The following CRYBA1 variants were observed in gnomAD, a reference collection of about 807,000 sequenced individuals.
The protein encoded by CRYBA1 is beta-crystallin A3.
CRYBA1 carries 25 observed loss-of-function variants against 36.2 expected under a neutral mutation model. That is an observed-to-expected ratio of 0.69 (90% CI 0.50 to 0.97). CRYBA1 has a LOEUF of 0.97. CRYBA1 is among the 50% of genes least tolerant of loss of function. The pLI, the probability that CRYBA1 is intolerant of heterozygous loss-of-function variation, is 0.00. For missense variants in CRYBA1, 224 were observed against 276.3 expected (o/e 0.81, Z 1.34); for synonymous variants, 111 against 90.0 (o/e 1.23, Z -1.32).
At chr17:29,252,550 T>C (rs529587275) in intron 4 of CRYBA1, among the ~76,000 whole-genome samples, 46 of 152,202 alleles carry the variant, frequency 3.0e-4, no homozygotes, top group Non-Finnish European at 5.9e-4. Flanking sequence ...GTAACATTTT[T>C]ACTGCAGAAA....
At chr17:29,252,327 TA>T in intron 4 of CRYBA1, 122 bp downstream of exon 4, 2 of 1,366,716 alleles carry the variant, frequency 1.5e-6, no homozygotes, top group Non-Finnish European at 1.0e-6. Context: ...AAGACAAAAG[TA>T]AAAAAAGAGA....
chr17:29,253,661 A>G lies in CRYBA1; in HGVS notation c.379A>G (p.Thr127Ala). Residue 127 changes from threonine to alanine, a missense_variant, in exon 5 of 6, where the codon ACC (threonine) becomes GCC (alanine). Thr to Ala is a moderately conservative substitution (Grantham distance 58, BLOSUM62 0). Transcript: ENST00000225387. The stretch of plus-strand genomic sequence containing the variant: ...ACAGAATCATAAGGAGTCTAAGATG[A>G]CCATCTTTGAGAAGGAAAACTTTAT... ...CSANHKESKMTIFEKENFIGR... is the reference protein window; with the variant it reads ...CSANHKESKMAIFEKENFIGR... 6.2e-7 allele frequency: 1 copy of G among 1,613,246 alleles called. No homozygotes were observed. The highest frequency in any genetic ancestry group is 8.5e-7 in the Non-Finnish European group (1 of 1,179,174).
intron 1 of CRYBA1, 138 bp from the exon 2 acceptor site, chr17:29,249,004 C>T (rs545522643): frequency 2.8e-5 from 20 of 709,264 alleles, no homozygotes; most frequent in Non-Finnish European, 3.7e-5. Flanking sequence ...CCCCGAGGCA[C>T]AGCTAGTGAG....
intron 2 of CRYBA1, 147 bp from the exon 3 acceptor site, chr17:29,250,035 C>T (rs1312734763): frequency 4.1e-6 from 3 of 737,730 alleles, no homozygotes; most frequent in Non-Finnish European, 7.5e-6. Context: ...CCTTCCTGCC[C>T]TGTCTACACT....
chr17:29,252,411 T>C (rs956214981), intron 4 of CRYBA1, among the ~76,000 whole-genome samples: 1 of 152,198 alleles, frequency 6.6e-6, no homozygotes, highest in Non-Finnish European at 1.5e-5. Context: ...AAGCTAAAAC[T>C]AAGGGTCTTA....
chr17:29,253,419 A>C (rs182879737), intron 4 of CRYBA1, among the ~76,000 whole-genome samples: 8 of 152,228 alleles, frequency 5.3e-5, no homozygotes, highest in African/African-American at 1.9e-4. Flanking sequence ...CATTGTTCCA[A>C]AATAGTATAT....
At chr17:29,253,058 T>C (rs1402456483) in intron 4 of CRYBA1, among the ~76,000 whole-genome samples, 1 of 152,226 alleles carries the variant, frequency 6.6e-6, no homozygotes, top group East Asian at 1.9e-4. Flanking sequence ...TTGAAAAATA[T>C]ATAGATCCAT....
At chr17:29,253,512 T>C in intron 4 of CRYBA1, 128 bp from the exon 5 acceptor site, 2 of 715,602 alleles carry the variant, frequency 2.8e-6, no homozygotes, top group Non-Finnish European at 4.5e-6. Context: ...ACAAATCTGT[T>C]GCCTTAATCT....
Position 29,254,218 on chromosome 17 carries a change from T to C in CRYBA1, c.517T>C (p.Tyr173His). Residue 173 changes from tyrosine (Y) to histidine (H), a missense_variant, in exon 6 of 6, where the codon TAT becomes CAT. Transcript: ENST00000225387. Reference sequence around the variant, plus strand: ...ATTTCCTAGCTGGGTTTGCTACCAATATCCTGGATATCGTGGGTATCAGTA... The same window carrying C: ...ATTTCCTAGCTGGGTTTGCTACCAACATCCTGGATATCGTGGGTATCAGTA... ...IQSGAWVCYQ[Y>H]PGYRGYQYIL... 1 of 1,614,186 alleles carries C rather than the reference T, an allele frequency of 6.2e-7. No individual in the cohort carries two copies. The highest frequency in any genetic ancestry group is 1.1e-5 in the South Asian group (1 of 91,088).
rs562086203 is a variant in CRYBA1 at position 29,250,076 on chromosome 17, C to T, written c.97-106C>T. 82 of 782,998 alleles carry T rather than the reference C, an allele frequency of 1.0e-4. No homozygotes were observed. The East Asian group carries it at 1.8e-3, about 17-fold the overall frequency. The allele number at this position is 782,998 out of a possible 1,614,324, so 48.5% of individuals were successfully genotyped here. A position where few individuals can be genotyped will look rare whatever the true frequency, so the allele number is the denominator to read the frequency against. On this transcript the variant is annotated intron_variant, in intron 2 of 5. Coordinates refer to ENST00000225387, the MANE Select transcript of CRYBA1 (RefSeq NM_005208.5). ...AGACCTCATCAGGCATCCCAGGCTA[C>T]AGCTGGTAACAGAAAGCACAGAGTC...
chr17:29,251,610 T>G (rs908545421), intron 3 of CRYBA1, among the ~76,000 whole-genome samples: 1 of 152,054 alleles, frequency 6.6e-6, no homozygotes, highest in Admixed American at 6.6e-5. Context: ...GCCCCCTGAA[T>G]AGCTGGGACT....
Position 29,252,206 on chromosome 17 carries a change from G to T in CRYBA1, c.357+1G>T. The T allele has an allele frequency of 6.2e-7, 1 of 1,614,090 alleles. No homozygotes were observed. Among genetic ancestry groups the T allele is most frequent in the Non-Finnish European group, 8.5e-7 (1 of 1,180,014 alleles). Reference sequence around the variant, plus strand: ...GTCCTTCCGCCCCATCTGTTCAGCTGTGAGTCTCTGAAATTTCCACTTCCG... The same window carrying T: ...GTCCTTCCGCCCCATCTGTTCAGCTTTGAGTCTCTGAAATTTCCACTTCCG... On this transcript the variant is annotated splice_donor_variant, in intron 4 of 5. Coordinates refer to ENST00000225387, the MANE Select transcript of CRYBA1 (RefSeq NM_005208.5). LOFTEE classifies it high-confidence loss of function.
intron 1 of CRYBA1, among the ~76,000 whole-genome samples, chr17:29,247,765 G>T (rs60299773): frequency 0.022 from 3,303 of 152,342 alleles, 40 homozygotes; most frequent in Middle Eastern, 0.034. Context: ...GCTGGAGAAG[G>T]CAGGAAAGCC....
chr17:29,250,389 G>C, intron 3 of CRYBA1, 89 bp downstream of exon 3: 5 of 812,006 alleles, frequency 6.2e-6, no homozygotes, highest in South Asian at 1.3e-5. Context: ...GAAGAAGGAT[G>C]TTCCCCTAGG....
chr17:29,250,853 T>G (rs2068931599), intron 3 of CRYBA1, among the ~76,000 whole-genome samples: 1 of 152,174 alleles, frequency 6.6e-6, no homozygotes, highest in Admixed American at 6.5e-5. Flanking sequence ...ACCCTCTCAT[T>G]TTTGTCCTCT....
At chr17:29,253,922 T>A (rs780917134) in intron 5 of CRYBA1, 140 bp downstream of exon 5, 1 of 1,194,146 alleles carries the variant, frequency 8.4e-7, no homozygotes, top group East Asian at 2.6e-5. Flanking sequence ...TCAATTTCTT[T>A]ATACCAACTA....
At chr17:29,248,567 G>A (rs1598424416) in intron 1 of CRYBA1, among the ~76,000 whole-genome samples, 3 of 149,108 alleles carry the variant, frequency 2.0e-5, no homozygotes, top group South Asian at 4.5e-4. Flanking sequence ...GTTTCACCAC[G>A]TTGGCCAGGC....
chr17:29,253,770 TAC>T lies in CRYBA1; in HGVS notation c.490_491del (p.Gln164LysfsTer22), dbSNP rs2153009713. 1.2e-6 allele frequency: 2 copies of T among 1,614,200 alleles called. No homozygotes were observed. Among genetic ancestry groups the T allele is most frequent in the South Asian group, 1.1e-5 (1 of 91,086 alleles). On this transcript the variant is annotated frameshift_variant, in exon 5 of 6. Transcript: ENST00000225387. LOFTEE classifies it high-confidence loss of function. ...AACAACGAAGTCGGCTCCATGAAGA[TAC>T]AAAGTGGGGCGTAAGTACAAAAACA...
chr17:29,250,356 G>A (rs2068928463), intron 3 of CRYBA1, 56 bp downstream of exon 3: 2 of 989,636 alleles, frequency 2.0e-6, no homozygotes, highest in Non-Finnish European at 3.3e-6. Context: ...CTTCAGACAG[G>A]GGACCATAGA....
Sources: allele counts gnomAD v4.1 joint callset (sites outside exome capture counted in the v4.1 genomes callset), GRCh38; gene constraint gnomAD v4.1.1; transcripts MANE v1.5; gene names NCBI Gene and HGNC (gene_info 2026-07-23, HGNC 2026-07-21).